Variants in RAB23 observed in about 807,000 individuals in gnomAD.
RAB23 encodes the protein ras-related protein Rab-23.
In RAB23, 15 loss-of-function variants were observed where a neutral mutation model predicts 30.0. The observed-to-expected ratio is 0.50, with a 90% confidence interval of 0.33 to 0.77. The LOEUF (loss-of-function observed/expected upper bound fraction) is 0.77, where lower values mean the gene tolerates loss of function less well. Ranked by LOEUF, RAB23 falls within the 30% of genes least tolerant of loss-of-function variation. The probability of loss-of-function intolerance (pLI) is 0.02; values close to 1 mark genes in which losing one functional copy is unlikely to be tolerated. For synonymous variants in RAB23, 93 were observed against 94.0 expected (o/e 0.99, Z 0.06); for missense variants, 243 against 275.4 (o/e 0.88, Z 0.83).
intron 1 of RAB23, among the ~76,000 whole-genome samples, chr6:57,213,173 C>T (rs1296824872): frequency 1.3e-5 from 2 of 152,144 alleles, no homozygotes; most frequent in African/African-American, 4.8e-5. Flanking sequence ...AGAGTTTGGG[C>T]TCCTATGAGA....
In RAB23 at chr6:57,187,053, G is replaced by C. The variant is rs1012037520; in HGVS notation, c.*3408C>G. On this transcript the variant is annotated 3_prime_UTR_variant, in exon 7 of 7. Transcript: ENST00000468148. ...GAATTCATCCTTCATGAAATTTTTA[G>C]AGTAGTGTTTTAAATTAAGCTCCAG... 6.6e-6 allele frequency: 1 copy of C among 152,088 alleles called. No homozygotes were observed. Among genetic ancestry groups the C allele is most frequent in the African/African-American group, 2.4e-5 (1 of 41,418 alleles). The allele number at this position is 152,088 out of a possible 1,614,324, so 9.4% of individuals were successfully genotyped here.
At chr6:57,213,534 G>C (rs1259827302) in intron 1 of RAB23, among the ~76,000 whole-genome samples, 1 of 152,010 alleles carries the variant, frequency 6.6e-6, no homozygotes, top group Non-Finnish European at 1.5e-5. Flanking sequence ...TTCAAAAAAA[G>C]GCAACAACAA....
chr6:57,193,962 C>T (rs1764932656), intron 5 of RAB23, 28 bp from the exon 6 acceptor site: 1 of 1,601,566 alleles, frequency 6.2e-7, no homozygotes, highest in Non-Finnish European at 8.5e-7. Context: ...CACCCAGAAC[C>T]AGGTCAATGA....
At position 57,204,801 on chromosome 6, in the gene RAB23, A is replaced by T. The variant is rs543728374; in HGVS notation, c.241+2827T>A. 1.1e-4 allele frequency among the ~76,000 whole-genome samples: 17 copies of T among 152,284 alleles called. No individual in the cohort carries two copies. The East Asian group carries it at 2.9e-3, about 26-fold the overall frequency. ...GCCTATTATATCCCTAGAACAACAG[A>T]GACACTTAATACACATTTTCTGAAT... On this transcript the variant is annotated intron_variant, in intron 3 of 6. Coordinates refer to ENST00000468148, the MANE Select transcript of RAB23 (RefSeq NM_016277.5).
intron 2 of RAB23, among the ~76,000 whole-genome samples, chr6:57,209,024 C>T (rs1765551530): frequency 6.6e-6 from 1 of 152,098 alleles, no homozygotes; most frequent in African/African-American, 2.4e-5. Context: ...CCTTCCTATA[C>T]TTAGGAATGC....
intron 1 of RAB23, among the ~76,000 whole-genome samples, chr6:57,218,248 G>C (rs1191780879): frequency 6.6e-6 from 1 of 152,048 alleles, no homozygotes; most frequent in East Asian, 1.9e-4. Flanking sequence ...ACCACAAAAA[G>C]ACACTACAAA....
In RAB23 at chr6:57,189,298, AC is replaced by A. The variant is rs1304601597; in HGVS notation, c.*1162del. The A allele has an allele frequency of 6.6e-6, 1 of 152,246 alleles. No individual in the cohort carries two copies. Among genetic ancestry groups the A allele is most frequent in the Admixed American group, 6.5e-5 (1 of 15,286 alleles). The allele number at this position is 152,246 out of a possible 1,614,324, so 9.4% of individuals were successfully genotyped here. A position where few individuals can be genotyped will look rare whatever the true frequency, so the allele number is the denominator to read the frequency against. On this transcript the variant is annotated 3_prime_UTR_variant, in exon 7 of 7. Coordinates refer to ENST00000468148, the MANE Select transcript of RAB23 (RefSeq NM_016277.5). ...GTGATTGATAATCTTAAAATACCAT[AC>A]AAAAATGTGTAAACAAAAGGATGGT... is the stretch of plus-strand genomic sequence containing the variant.
intron 1 of RAB23, among the ~76,000 whole-genome samples, chr6:57,216,902 C>T (rs1765862081): frequency 6.6e-6 from 1 of 152,108 alleles, no homozygotes. Context: ...TTATAATTAG[C>T]ATATAATGAG....
At chr6:57,215,322 A>G (rs140865994) in intron 1 of RAB23, among the ~76,000 whole-genome samples, 3 of 152,392 alleles carry the variant, frequency 2.0e-5, no homozygotes, top group Non-Finnish European at 2.9e-5. Flanking sequence ...AGTAAATCCC[A>G]AACAGGATAA....
rs578227602 is a variant in RAB23, at chr6:57,193,210, A to G, written c.574+632T>C. Among the ~76,000 whole-genome samples, 4 of 152,298 alleles carry G rather than the reference A, an allele frequency of 2.6e-5. No individual in the cohort carries two copies. The East Asian group carries it at 7.7e-4, about 29-fold the overall frequency. On this transcript the variant is annotated intron_variant, in intron 6 of 6. Transcript: ENST00000468148. Reference sequence around the variant, plus strand: ...ATGAAAATGGCAAAGGCAGAAAAAAAAAAAAGCCAGAATCCAGGAAAAATC... The same window carrying G: ...ATGAAAATGGCAAAGGCAGAAAAAAGAAAAAGCCAGAATCCAGGAAAAATC...
chr6:57,216,556 C>T (rs546492448), intron 1 of RAB23, among the ~76,000 whole-genome samples: 1 of 152,204 alleles, frequency 6.6e-6, no homozygotes, highest in African/African-American at 2.4e-5. Flanking sequence ...CAGGAGGCCA[C>T]GTGGGTTTTT....
intron 3 of RAB23, among the ~76,000 whole-genome samples, chr6:57,203,194 C>T (rs1269791994): frequency 6.6e-6 from 1 of 151,828 alleles, no homozygotes; most frequent in Non-Finnish European, 1.5e-5. Context: ...TTAGTAGAGA[C>T]GTGGTTTCAC....
intron 1 of RAB23, among the ~76,000 whole-genome samples, chr6:57,218,568 T>C (rs1765932651): frequency 6.6e-6 from 1 of 152,176 alleles, no homozygotes; most frequent in Non-Finnish European, 1.5e-5. Context: ...AAGGCATCTA[T>C]AGGCCGAGCA....
chr6:57,200,875 A>T (rs1765228775), intron 3 of RAB23, among the ~76,000 whole-genome samples: 1 of 152,122 alleles, frequency 6.6e-6, no homozygotes, highest in South Asian at 2.1e-4. Context: ...AATGCACATG[A>T]ATTTCATAGG....
intron 3 of RAB23, among the ~76,000 whole-genome samples, chr6:57,206,174 G>T (rs924037986): frequency 1.1e-4 from 17 of 152,138 alleles, no homozygotes; most frequent in Admixed American, 1.1e-3. Context: ...TGCAGAGAGC[G>T]CAGGTCTGGG....
chr6:57,207,800 A>G, intron 2 of RAB23, 87 bp from the exon 3 acceptor site: 1 of 898,830 alleles, frequency 1.1e-6, no homozygotes, highest in Admixed American at 2.0e-5. Flanking sequence ...TTTCAAATCC[A>G]AAGATATTAA....
chr6:57,218,175 C>T (rs1765917250), intron 1 of RAB23, among the ~76,000 whole-genome samples: 1 of 152,296 alleles, frequency 6.6e-6, no homozygotes, highest in South Asian at 2.1e-4. Flanking sequence ...TACACAATCT[C>T]CTCCAGAATA....
chr6:57,208,595 C>A lies in RAB23; in HGVS notation c.156-882G>T, dbSNP rs965758978. Among the ~76,000 whole-genome samples the A allele has an allele frequency of 2.1e-5, 3 of 141,050 alleles. 1 individual carries two copies. Among genetic ancestry groups the A allele is most frequent in the South Asian group, 4.5e-4 (2 of 4,400 alleles). 92.5% of individuals were successfully genotyped at this position (141,050 alleles called of 152,430 possible). On this transcript the variant is annotated intron_variant, in intron 2 of 6. Transcript: ENST00000468148. ...CTGGGAGGTGGAGCACCACTGCAGT[C>A]CAGCCTGGGAGACAGAGTGAGACTC...
intron 2 of RAB23, among the ~76,000 whole-genome samples, chr6:57,209,183 T>C (rs972775623): frequency 3.3e-5 from 5 of 152,186 alleles, no homozygotes; most frequent in Non-Finnish European, 5.9e-5. Flanking sequence ...AAAGCAGACT[T>C]GTTTGATGAC....
Sources: allele counts gnomAD v4.1 joint callset (sites outside exome capture counted in the v4.1 genomes callset), GRCh38; gene constraint gnomAD v4.1.1; transcripts MANE v1.5; gene names NCBI Gene and HGNC (gene_info 2026-07-23, HGNC 2026-07-21).